CHD2: variants seen among roughly 807,000 people sequenced by gnomAD.
CHD2 encodes ATP-dependent chromatin remodeler CHD2.
A neutral mutation model predicts 243.9 loss-of-function variants in CHD2; 28 were observed. That is an observed-to-expected ratio of 0.11 (90% confidence interval 0.09 to 0.16). CHD2 has a LOEUF of 0.16. Ranked by LOEUF, CHD2 falls within the 10% of genes least tolerant of loss-of-function variation. The probability of loss-of-function intolerance (pLI) is 1.00; values close to 1 mark genes in which losing one functional copy is unlikely to be tolerated. For synonymous variants in CHD2, 775 were observed against 779.0 expected, an observed-to-expected ratio of 0.99 and a Z score of 0.09; for missense variants, 1,386 against 2,209.8, an observed-to-expected ratio of 0.63 and a Z score of 7.47.
intron 6 of CHD2, 40 bp downstream of exon 6, chr15:92,937,665 A>C: frequency 7.1e-7 from 1 of 1,412,920 alleles, no homozygotes; most frequent in Non-Finnish European, 9.9e-7. Flanking sequence ...GGATGAGCTT[A>C]ATCTGCTGTA....
intron 34 of CHD2, among the ~76,000 whole-genome samples, chr15:93,006,278 C>T (rs773598264): frequency 1.1e-4 from 17 of 152,060 alleles, no homozygotes; most frequent in Non-Finnish European, 2.2e-4. Context: ...AGATGCGCAC[C>T]ACCACACCCG....
At chr15:92,906,407 A>G (rs1271475853) in intron 2 of CHD2, among the ~76,000 whole-genome samples, 1 of 152,204 alleles carries the variant, frequency 6.6e-6, no homozygotes, top group Non-Finnish European at 1.5e-5. Context: ...TGACAGTTGT[A>G]GCAAGTTATT....
In CHD2 at chr15:92,901,266, A is replaced by T. The variant is rs1472693863; in HGVS notation, c.29A>T (p.Glu10Val). 1.2e-6 allele frequency: 2 copies of T among 1,607,340 alleles called. No homozygotes were observed. Among genetic ancestry groups the T allele is most frequent in the Non-Finnish European group, 1.7e-6 (2 of 1,174,256 alleles). Reference protein sequence around the residue: MMRNKDKSQEEDSSLHSNAS... With the variant: MMRNKDKSQVEDSSLHSNAS... The stretch of plus-strand genomic sequence containing the variant: ...ATGAGAAATAAGGACAAAAGCCAAG[A>T]GGAGGACAGTTCGCTACACAGCAAT... Residue 10 changes from glutamate (E) to valine (V), a missense_variant, in exon 2 of 39, where the codon GAG (glutamate) becomes GTG (valine). This residue lies in a region of CHD2 where 89 missense variants were observed against 102.4 expected (regional missense o/e 0.87). Coordinates refer to ENST00000394196, the MANE Select transcript of CHD2 (RefSeq NM_001271.4).
At chr15:92,969,952 A>G (rs2141833775) in intron 17 of CHD2, among the ~76,000 whole-genome samples, 1 of 151,426 alleles carries the variant, frequency 6.6e-6, no homozygotes, top group African/African-American at 2.4e-5. Context: ...AAGGTTATAT[A>G]CCACAAGAAG....
chr15:92,955,362 C>T, intron 14 of CHD2, 61 bp from the exon 15 acceptor site: 1 of 992,318 alleles, frequency 1.0e-6, no homozygotes, highest in Non-Finnish European at 1.4e-6. Flanking sequence ...AATCACAAAA[C>T]TTATGTGATA....
At chr15:92,921,448 C>G (rs1449163119) in intron 2 of CHD2, 1 of 152,190 alleles carries the variant, frequency 6.6e-6, no homozygotes, top group Non-Finnish European at 1.5e-5. Context: ...TATGGGAATA[C>G]AGTTTCCAGG....
intron 2 of CHD2, among the ~76,000 whole-genome samples, chr15:92,923,561 G>GT (rs1199703270): frequency 0.073 from 8,856 of 121,498 alleles, 459 homozygotes; most frequent in Non-Finnish European, 0.091. Flanking sequence ...TGTCCAGCTT[G>GT]TTTTTTTTTT....
chr15:92,931,376 ATTATGGGTGCTGT>A (rs1253599194), intron 5 of CHD2, among the ~76,000 whole-genome samples: 2 of 152,134 alleles, frequency 1.3e-5, no homozygotes, highest in Non-Finnish European at 2.9e-5. Context: ...TTGCTTTATT[ATTATGGGTGCTGT>A]TTATTTAAGA....
chr15:92,972,438 G>A (rs1231659824), intron 19 of CHD2, 21 bp downstream of exon 19: 2 of 1,565,518 alleles, frequency 1.3e-6, no homozygotes, highest in South Asian at 2.4e-5. Flanking sequence ...TTCAGTAATT[G>A]CTGTGGGGGG....
At chr15:92,967,909 A>G (rs569651935) in intron 17 of CHD2, among the ~76,000 whole-genome samples, 8 of 152,086 alleles carry the variant, frequency 5.3e-5, no homozygotes, top group South Asian at 2.1e-4. Flanking sequence ...ATATACATGT[A>G]TGTATATCTC....
At chr15:92,989,357 G>A (rs921153862) in intron 26 of CHD2, among the ~76,000 whole-genome samples, 2 of 152,012 alleles carry the variant, frequency 1.3e-5, no homozygotes, top group African/African-American at 2.4e-5. Context: ...TATATGTCCC[G>A]TAATTTTTCC....
intron 2 of CHD2, 53 bp from the exon 3 acceptor site, chr15:92,924,268 A>T (rs2053015837): frequency 6.6e-7 from 1 of 1,505,692 alleles, no homozygotes; most frequent in Non-Finnish European, 9.1e-7. Flanking sequence ...TTTTAAGCAG[A>T]TTCATGTGTC....
intron 17 of CHD2, among the ~76,000 whole-genome samples, chr15:92,971,027 A>G (rs1188002116): frequency 6.6e-6 from 1 of 152,234 alleles, no homozygotes; most frequent in Non-Finnish European, 1.5e-5. Context: ...CTCTTTTACA[A>G]TGTTAAAATG....
At chr15:92,916,013 TCTCTTC>T (rs2052827829) in intron 2 of CHD2, among the ~76,000 whole-genome samples, 2 of 67,374 alleles carry the variant, frequency 3.0e-5, no homozygotes, top group African/African-American at 1.1e-4. Flanking sequence ...ATGCCTCTAC[TCTCTTC>T]TCACATGGAA....
chr15:93,008,321 T>C (rs1337194498), intron 34 of CHD2, among the ~76,000 whole-genome samples: 1 of 152,234 alleles, frequency 6.6e-6, no homozygotes, highest in East Asian at 1.9e-4. Context: ...AGAGGTCCTT[T>C]TATCCTTTTC....
chr15:92,956,568 A>G lies in CHD2; in HGVS notation c.1919A>G (p.His640Arg). The change falls in exon 16 of 39, where the codon CAT becomes CGT. Residue 640 changes from histidine to arginine, a missense_variant. This residue lies in a region of CHD2 where 118 missense variants were observed against 266.3 expected (regional missense o/e 0.44). Transcript: ENST00000394196. ...YKTLIDFKSN[H>R]RLLITGTPLQ... ...ACTCTGATTGATTTCAAGTCCAACC[A>G]TAGGCTCCTGATTACGGGGACCCCT... 4 of 1,614,064 alleles carry G rather than the reference A, an allele frequency of 2.5e-6. No homozygotes were observed. The highest frequency in any genetic ancestry group is 3.4e-6 in the Non-Finnish European group (4 of 1,179,928).
intron 32 of CHD2, among the ~76,000 whole-genome samples, chr15:93,001,226 G>C (rs916504971): frequency 1.3e-5 from 2 of 152,142 alleles, no homozygotes; most frequent in African/African-American, 4.8e-5. Context: ...CAAATGACGG[G>C]GAGTGGTCAG....
intron 12 of CHD2, among the ~76,000 whole-genome samples, chr15:92,947,965 A>G (rs2053496207): frequency 6.6e-6 from 1 of 152,238 alleles, no homozygotes; most frequent in Non-Finnish European, 1.5e-5. Context: ...ACATCCCTGA[A>G]TGAATTTCTC....
intron 17 of CHD2, among the ~76,000 whole-genome samples, chr15:92,971,282 C>T (rs1246847962): frequency 6.6e-6 from 1 of 152,154 alleles, no homozygotes; most frequent in Non-Finnish European, 1.5e-5. Context: ...CTGTAAAATG[C>T]TCTAATGAGA....
Sources: gnomAD v4.1 joint callset for allele counts (sites outside exome capture counted in the v4.1 genomes callset) on GRCh38, gnomAD v4.1.1 for gene constraint, gnomAD v4.1.1 regional missense constraint, MANE v1.5 for transcripts, NCBI Gene and HGNC (gene_info 2026-07-23, HGNC 2026-07-21) for gene names.